The following FER1L6 variants were observed in gnomAD, a reference collection of about 807,000 sequenced individuals.
FER1L6 encodes the protein fer-1 like family member 6, also known as fer-1-like protein 6.
A neutral mutation model predicts 219.2 loss-of-function variants in FER1L6; 177 were observed. That is an observed-to-expected ratio of 0.81 (90% CI 0.71 to 0.91). The LOEUF (loss-of-function observed/expected upper bound fraction) is 0.91. Among genes scored for constraint, FER1L6 ranks in the 40% least tolerant of loss-of-function variants. The probability of loss-of-function intolerance (pLI) is 0.00; values close to 1 mark genes in which losing one functional copy is unlikely to be tolerated. For missense variants in FER1L6, 2,153 were observed against 2,259.9 expected (o/e 0.95, Z 0.96); for synonymous variants, 768 against 824.3 (o/e 0.93, Z 1.17).
intron 1 of FER1L6, chr8:123,939,284 G>T: frequency 1.2e-6 from 1 of 819,674 alleles, no homozygotes; most frequent in Admixed American, 6.2e-5. Context: ...ATTACATATT[G>T]TTAAGTCTAA....
intron 1 of FER1L6, among the ~76,000 whole-genome samples, chr8:123,943,880 A>T (rs919024273): frequency 2.0e-5 from 3 of 151,706 alleles, no homozygotes; most frequent in Admixed American, 6.6e-5. Flanking sequence ...AAGTTCCCTA[A>T]CCTCTCCGAG....
intron 33 of FER1L6, among the ~76,000 whole-genome samples, chr8:124,089,752 A>G (rs1006185447): frequency 1.3e-5 from 2 of 152,226 alleles, no homozygotes; most frequent in African/African-American, 4.8e-5. Flanking sequence ...GTTCTTGTGT[A>G]GTATTTCATT....
chr8:123,853,444 C>G lies in FER1L6; in HGVS notation c.-8+1259C>G, dbSNP rs144966620. 2.1e-3 allele frequency among the ~76,000 whole-genome samples: 321 copies of G among 152,276 alleles called. 1 individual carries two copies. The highest frequency in any genetic ancestry group is 6.1e-3 in the African/African-American group (254 of 41,552). ...TGCTGGGATTATAGGCGTGAGCCACCGTACCCGGCCTAAAATAGAAGAAAT... is the reference window on the plus strand; with the variant it reads ...TGCTGGGATTATAGGCGTGAGCCACGGTACCCGGCCTAAAATAGAAGAAAT... On this transcript the variant is annotated intron_variant, in intron 1 of 40. Transcript: ENST00000522917. The surrounding 1 kb of genome is among the most constrained non-coding windows in gnomAD (Gnocchi z 6.6).
Position 123,977,439 on chromosome 8 carries a change from A to T in FER1L6, c.893A>T (p.Asn298Ile), listed in dbSNP as rs1217026673. The stretch of plus-strand genomic sequence containing the variant: ...TAGGGGCGAACCACAGTGCAGAAGA[A>T]CTGTGCTGATCCTGTGTGGCATGAA... ...GQMGRTTVQK[N>I]CADPVWHEQV... Residue 298 changes from asparagine to isoleucine, a missense_variant, in exon 10 of 41, where the codon AAC becomes ATC. Coordinates refer to ENST00000522917, the MANE Select transcript of FER1L6 (RefSeq NM_001039112.2). 8 of 1,614,020 alleles carry T rather than the reference A, an allele frequency of 5.0e-6. No homozygotes were observed. The highest frequency in any genetic ancestry group is 5.9e-6 in the Non-Finnish European group (7 of 1,179,976).
intron 1 of FER1L6, among the ~76,000 whole-genome samples, chr8:123,877,073 C>T (rs1817016780): frequency 6.6e-6 from 1 of 152,276 alleles, no homozygotes; most frequent in Admixed American, 6.5e-5. Flanking sequence ...TCTGCAACTT[C>T]TGTAGGCATG....
At chr8:123,904,160 A>G (rs1371462150) in intron 1 of FER1L6, among the ~76,000 whole-genome samples, 1 of 151,834 alleles carries the variant, frequency 6.6e-6, no homozygotes, top group East Asian at 1.9e-4. Flanking sequence ...TTGTTTTGAA[A>G]GCACTGGATG....
chr8:123,854,248 G>A (rs1489115352), intron 1 of FER1L6, among the ~76,000 whole-genome samples: 1 of 152,128 alleles, frequency 6.6e-6, no homozygotes, highest in African/African-American at 2.4e-5. Context: ...CTGAGAGGAT[G>A]AGAAAAAAAT....
At chr8:124,092,041 T>C (rs1822059414) in intron 34 of FER1L6, among the ~76,000 whole-genome samples, 1 of 151,726 alleles carries the variant, frequency 6.6e-6, no homozygotes, top group Admixed American at 6.6e-5. Flanking sequence ...ATAATGAATA[T>C]CACTTATAAT....
At chr8:123,972,224 G>GAAATA (rs750504888) in intron 6 of FER1L6, among the ~76,000 whole-genome samples, 16 of 152,244 alleles carry the variant, frequency 1.1e-4, no homozygotes, top group Non-Finnish European at 1.8e-4. Flanking sequence ...AGTGGAAAGA[G>GAAATA]AAATGAGGAG....
At chr8:124,056,359 G>C (rs1362747857) in intron 22 of FER1L6, among the ~76,000 whole-genome samples, 7 of 152,200 alleles carry the variant, frequency 4.6e-5, no homozygotes, top group Admixed American at 4.6e-4. Flanking sequence ...ATGGATTTAT[G>C]TGTTAACTCT....
At chr8:124,055,590 T>C (rs186486122) in intron 22 of FER1L6, among the ~76,000 whole-genome samples, 1 of 152,288 alleles carries the variant, frequency 6.6e-6, no homozygotes, top group African/African-American at 2.4e-5. Flanking sequence ...ATGTTTCTCT[T>C]GTTTTCAGAA....
intron 36 of FER1L6, 123 bp downstream of exon 36, chr8:124,097,482 G>A (rs1822357844): frequency 7.0e-6 from 5 of 712,088 alleles, no homozygotes; most frequent in Non-Finnish European, 1.2e-5. Context: ...CACCCGGCCA[G>A]TTTTTCAGGA....
intron 30 of FER1L6, 26 bp from the exon 31 acceptor site, chr8:124,071,480 C>T: frequency 1.2e-6 from 2 of 1,613,390 alleles, no homozygotes. Context: ...CATCTCATTT[C>T]AATGGGTTGC....
chr8:124,091,596 A>G lies in FER1L6; in HGVS notation c.4552+13A>G. On this transcript the variant is annotated intron_variant, in intron 34 of 40. Transcript: ENST00000522917. ...GAAGAGGACACTGGTAACTCCCTGCAAAATATCCTGCTGGTGTTGCTCTTC... is the reference window on the plus strand; with the variant it reads ...GAAGAGGACACTGGTAACTCCCTGCGAAATATCCTGCTGGTGTTGCTCTTC... 6.2e-7 allele frequency: 1 copy of G among 1,610,578 alleles called. No individual in the cohort carries two copies. The highest frequency in any genetic ancestry group is 8.5e-7 in the Non-Finnish European group (1 of 1,178,286).
chr8:123,965,893 C>T lies in FER1L6; in HGVS notation c.198-114C>T. Reference sequence around the variant, plus strand: ...TACTTATCTCCCCCAGAGATGTAGACAGAATATGTAATAATATTAAATGAA... The same window carrying T: ...TACTTATCTCCCCCAGAGATGTAGATAGAATATGTAATAATATTAAATGAA... On this transcript the variant is annotated intron_variant, in intron 3 of 40. Coordinates refer to ENST00000522917, the MANE Select transcript of FER1L6 (RefSeq NM_001039112.2). 14 of 965,466 alleles carry T rather than the reference C, an allele frequency of 1.5e-5. No homozygotes were observed. In the South Asian group the frequency reaches 2.1e-4, roughly 15 times the overall value. The allele number at this position is 965,466 out of a possible 1,614,324, so 59.8% of individuals were successfully genotyped here.
At chr8:124,015,378 T>C (rs986171578) in intron 15 of FER1L6, among the ~76,000 whole-genome samples, 2 of 151,650 alleles carry the variant, frequency 1.3e-5, no homozygotes, top group African/African-American at 4.8e-5. Flanking sequence ...TGAGCAAATA[T>C]GAGAACTTGT....
Position 123,919,494 on chromosome 8 carries a change from C to T in FER1L6, c.-7-36498C>T, listed in dbSNP as rs1813294653. Reference sequence around the variant, plus strand: ...CAATACAGGTGCCCCTCAGTGCTTGCCCTGGGGGGCCTGCCACAGCACAGC... The same window carrying T: ...CAATACAGGTGCCCCTCAGTGCTTGTCCTGGGGGGCCTGCCACAGCACAGC... On this transcript the variant is annotated intron_variant, in intron 1 of 40. Coordinates refer to ENST00000522917, the MANE Select transcript of FER1L6 (RefSeq NM_001039112.2). 3.9e-5 allele frequency among the ~76,000 whole-genome samples: 6 copies of T among 152,176 alleles called. No homozygotes were observed. The South Asian group carries it at 1.2e-3, about 31-fold the overall frequency.
rs147600021 is a variant in FER1L6 at position 123,877,644 on chromosome 8, G to A, written c.-8+25459G>A. The stretch of plus-strand genomic sequence containing the variant: ...GTAGCCTCATCTTGCTTGAATCTAC[G>A]TCTCTCAAGACTTGGATTAGCATTT... On this transcript the variant is annotated intron_variant, in intron 1 of 40. Transcript: ENST00000522917. 3.0e-3 allele frequency among the ~76,000 whole-genome samples: 461 copies of A among 151,874 alleles called. 1 individual carries two copies. Among genetic ancestry groups the A allele is most frequent in the Non-Finnish European group, 4.7e-3 (319 of 67,996 alleles).
At chr8:123,886,232 C>T (rs930653367) in intron 1 of FER1L6, among the ~76,000 whole-genome samples, 3 of 152,124 alleles carry the variant, frequency 2.0e-5, no homozygotes, top group Non-Finnish European at 4.4e-5. Flanking sequence ...TTGTCCCCAC[C>T]TACACTCAAG....
Sources: gnomAD v4.1 joint callset for allele counts (sites outside exome capture counted in the v4.1 genomes callset) on GRCh38, gnomAD v4.1.1 for gene constraint, Gnocchi (gnomAD v3.1) non-coding constraint, MANE v1.5 for transcripts, NCBI Gene and HGNC (gene_info 2026-07-23, HGNC 2026-07-21) for gene names.